The following CLVS2 variants were observed in gnomAD, a reference collection of about 807,000 sequenced individuals.
CLVS2 encodes clavesin-2.
Under a neutral mutation model 29.0 loss-of-function variants are expected in CLVS2, and 19 were observed. The observed-to-expected ratio is 0.66, with a 90% confidence interval of 0.46 to 0.96. The LOEUF (loss-of-function observed/expected upper bound fraction) is 0.96, where lower values mean the gene tolerates loss of function less well. CLVS2 is among the 40% of genes least tolerant of loss of function. CLVS2 has a pLI of 0.00. For synonymous variants in CLVS2, 161 were observed against 151.3 expected (o/e 1.06, Z -0.47); for missense variants, 294 against 404.1 (o/e 0.73, Z 2.34).
At chr6:123,033,185 A>G (rs1225916097) in intron 3 of CLVS2, among the ~76,000 whole-genome samples, 1 of 152,136 alleles carries the variant, frequency 6.6e-6, no homozygotes, top group East Asian at 1.9e-4. Context: ...CTTTGGGGGT[A>G]AGGAATTATT....
At chr6:123,023,218 C>T (rs562210812) in intron 3 of CLVS2, among the ~76,000 whole-genome samples, 66 of 152,170 alleles carry the variant, frequency 4.3e-4, no homozygotes, top group Admixed American at 1.4e-3. Flanking sequence ...CTTTTCTCTG[C>T]AGTTCTGTTT....
intron 4 of CLVS2, among the ~76,000 whole-genome samples, chr6:123,052,180 G>A (rs1170502630): frequency 1.3e-5 from 2 of 152,192 alleles, no homozygotes; most frequent in Admixed American, 1.3e-4. Flanking sequence ...TACATAGAAA[G>A]TGGATAGGCT....
rs978854030 is a variant in CLVS2 at position 123,066,755 on chromosome 6, T to C, written c.*2994T>C. ...TCTTTGAAAATGGAATAAAGCAACG[T>C]TACTGGCATATGGATTTTATTTGTA... On this transcript the variant is annotated 3_prime_UTR_variant, in exon 6 of 6. Transcript: ENST00000275162. The C allele has an allele frequency of 6.6e-6, 1 of 151,770 alleles. No homozygotes were observed. The highest frequency in any genetic ancestry group is 6.6e-5 in the Admixed American group (1 of 15,162). The allele number at this position is 151,770 out of a possible 1,614,324, so 9.4% of individuals were successfully genotyped here. A position where few individuals can be genotyped will look rare whatever the true frequency, so the allele number is the denominator to read the frequency against.
intron 3 of CLVS2, among the ~76,000 whole-genome samples, chr6:123,033,113 T>A (rs1055642313): frequency 6.6e-6 from 1 of 152,094 alleles, no homozygotes; most frequent in African/African-American, 2.4e-5. Context: ...AAGGAAACAT[T>A]TCACACTAAT....
At position 123,056,116 on chromosome 6, in the gene CLVS2, C is replaced by A. The variant is rs563452621; in HGVS notation, c.896+90C>A. The A allele has an allele frequency of 3.3e-5, 28 of 848,504 alleles. No individual in the cohort carries two copies. The East Asian group carries it at 7.2e-4, about 22-fold the overall frequency. The allele number at this position is 848,504 out of a possible 1,614,324, so 52.6% of individuals were successfully genotyped here. A position where few individuals can be genotyped will look rare whatever the true frequency, so the allele number is the denominator to read the frequency against. ...TCAAAGCTTTCTGTTTTTCTGTATACATTTTTCTGGTGGGATTTTAAAACT... is the reference window on the plus strand; with the variant it reads ...TCAAAGCTTTCTGTTTTTCTGTATAAATTTTTCTGGTGGGATTTTAAAACT... On this transcript the variant is annotated intron_variant, in intron 5 of 5. Transcript: ENST00000275162.
rs557094830 is a variant in CLVS2 at position 123,072,471 on chromosome 6, G to T, written c.*8710G>T. On this transcript the variant is annotated 3_prime_UTR_variant, in exon 6 of 6. Transcript: ENST00000275162. ...AGTTCGGAAAACATTCTCTAGAGAA[G>T]AGACTAATGATTCTTGCTCACAAAC... The T allele has an allele frequency of 3.3e-5, 5 of 152,212 alleles. No individual in the cohort carries two copies. Among genetic ancestry groups the T allele is most frequent in the African/African-American group, 7.2e-5 (3 of 41,552 alleles). The allele number at this position is 152,212 out of a possible 1,614,324, so 9.4% of individuals were successfully genotyped here.
At chr6:123,046,304 T>A (rs891249546) in intron 3 of CLVS2, among the ~76,000 whole-genome samples, 5 of 152,164 alleles carry the variant, frequency 3.3e-5, no homozygotes, top group Non-Finnish European at 5.9e-5. Context: ...TATGTTTGCA[T>A]GTTCATGTTT....
intron 3 of CLVS2, among the ~76,000 whole-genome samples, chr6:123,023,822 A>C (rs935546120): frequency 1.3e-5 from 2 of 152,104 alleles, no homozygotes; most frequent in African/African-American, 4.8e-5. Context: ...TTTTGGATAG[A>C]ATACTTAACT....
intron 5 of CLVS2, among the ~76,000 whole-genome samples, chr6:123,060,020 A>C (rs920522694): frequency 6.6e-6 from 1 of 152,230 alleles, no homozygotes; most frequent in Admixed American, 6.5e-5. Flanking sequence ...AAGGTGTTGC[A>C]CTTGATTCTC....
At chr6:123,025,685 A>C (rs1313378612) in intron 3 of CLVS2, among the ~76,000 whole-genome samples, 1 of 152,160 alleles carries the variant, frequency 6.6e-6, no homozygotes, top group Non-Finnish European at 1.5e-5. Flanking sequence ...TTATGTCCCC[A>C]GGGAACATAA....
chr6:122,997,607 G>C lies in CLVS2; in HGVS notation c.-171G>C. Reference sequence around the variant, plus strand: ...GCCCCCCCAGCTTTGCTGGGGGAAAGCAGGAGCAACAGGGCACTTGATTGG... The same window carrying C: ...GCCCCCCCAGCTTTGCTGGGGGAAACCAGGAGCAACAGGGCACTTGATTGG... On this transcript the variant is annotated 5_prime_UTR_variant, in exon 2 of 6. Coordinates refer to ENST00000275162, the MANE Select transcript of CLVS2 (RefSeq NM_001010852.4). The C allele has an allele frequency of 1.6e-6, 1 of 606,432 alleles. No homozygotes were observed. Among genetic ancestry groups the C allele is most frequent in the South Asian group, 2.0e-5 (1 of 48,994 alleles). 37.6% of individuals were successfully genotyped at this position (606,432 alleles called of 1,614,324 possible). A position where few individuals can be genotyped will look rare whatever the true frequency, so the allele number is the denominator to read the frequency against.
At chr6:123,004,814 G>A (rs147586241) in intron 2 of CLVS2, among the ~76,000 whole-genome samples, 4 of 152,224 alleles carry the variant, frequency 2.6e-5, no homozygotes, top group African/African-American at 9.6e-5. Context: ...TTGGGAGGCC[G>A]AGGCAAGAGA....
intron 5 of CLVS2, among the ~76,000 whole-genome samples, chr6:123,056,483 T>C (rs1772695886): frequency 6.6e-6 from 1 of 152,154 alleles, no homozygotes; most frequent in South Asian, 2.1e-4. Flanking sequence ...GCAGTATTTT[T>C]CCATCACATT....
chr6:123,062,228 A>G (rs1351852345), intron 5 of CLVS2, among the ~76,000 whole-genome samples: 1 of 152,170 alleles, frequency 6.6e-6, no homozygotes, highest in Non-Finnish European at 1.5e-5. Flanking sequence ...TTACCTAAAA[A>G]CAAAGTTAGA....
chr6:123,027,234 A>T (rs981952025), intron 3 of CLVS2, among the ~76,000 whole-genome samples: 69 of 152,216 alleles, frequency 4.5e-4, no homozygotes, highest in African/African-American at 1.6e-3. Context: ...AGAGGAACAA[A>T]TCATGAAAAA....
intron 3 of CLVS2, among the ~76,000 whole-genome samples, chr6:123,047,076 A>G (rs1291650653): frequency 6.6e-6 from 1 of 152,060 alleles, no homozygotes; most frequent in African/African-American, 2.4e-5. Flanking sequence ...CCTCATTCCT[A>G]TAGGTGCTAC....
chr6:123,027,335 A>G (rs576486150), intron 3 of CLVS2, among the ~76,000 whole-genome samples: 2 of 152,330 alleles, frequency 1.3e-5, no homozygotes, highest in East Asian at 3.9e-4. Context: ...TAAAGAGAAA[A>G]GTTCAAGGAG....
chr6:122,997,501 A>G lies in CLVS2; in HGVS notation c.-277A>G. 1 of 485,670 alleles carries G rather than the reference A, an allele frequency of 2.1e-6. No individual in the cohort carries two copies. 30.1% of individuals were successfully genotyped at this position (485,670 alleles called of 1,614,324 possible). A position where few individuals can be genotyped will look rare whatever the true frequency, so the allele number is the denominator to read the frequency against. ...AGTGCGGAGCCCTTCAGGGGTTCAC[A>G]TCTCTTTAAAGGAAAGGAAAGAGGG... On this transcript the variant is annotated 5_prime_UTR_variant, in exon 2 of 6. Transcript: ENST00000275162.
chr6:123,033,407 C>T (rs897992449), intron 3 of CLVS2, among the ~76,000 whole-genome samples: 4 of 151,970 alleles, frequency 2.6e-5, no homozygotes, highest in Non-Finnish European at 5.9e-5. Flanking sequence ...AATAGACATA[C>T]ACAAATATGT....
Sources: allele counts gnomAD v4.1 joint callset (sites outside exome capture counted in the v4.1 genomes callset), GRCh38; gene constraint gnomAD v4.1.1; transcripts MANE v1.5; gene names NCBI Gene and HGNC (gene_info 2026-07-23, HGNC 2026-07-21).